TRDN: variants seen among roughly 807,000 people sequenced by gnomAD.
TRDN encodes triadin.
TRDN carries 161 observed loss-of-function variants against 149.7 expected under a neutral mutation model. The ratio of observed to expected loss-of-function variants is 1.08; its 90% CI spans 0.95 to 1.23. The LOEUF (loss-of-function observed/expected upper bound fraction) is 1.23. Among genes scored for constraint, TRDN ranks in the 50% most tolerant of loss-of-function variants. The probability of loss-of-function intolerance (pLI) is 0.00; values close to 1 mark genes in which losing one functional copy is unlikely to be tolerated. For synonymous variants in TRDN, 294 were observed against 250.5 expected (o/e 1.17, Z -1.64); for missense variants, 896 against 823.5 (o/e 1.09, Z -1.08).
At chr6:123,433,182 T>TATATATATATATAC (rs1562310492) in intron 12 of TRDN, among the ~76,000 whole-genome samples, 10 of 143,362 alleles carry the variant, frequency 7.0e-5, no homozygotes, top group African/African-American at 2.1e-4. Context: ...TATATATATA[T>TATATATATATATAC]ACATCACACA....
At chr6:123,358,316 C>T (rs1259788093) in intron 20 of TRDN, among the ~76,000 whole-genome samples, 1 of 152,110 alleles carries the variant, frequency 6.6e-6, no homozygotes, top group East Asian at 1.9e-4. Context: ...GGAGCTGGGA[C>T]GTTGATTTTA....
chr6:123,312,354 C>T (rs973921381), intron 24 of TRDN, among the ~76,000 whole-genome samples: 1 of 151,922 alleles, frequency 6.6e-6, no homozygotes, highest in Non-Finnish European at 1.5e-5. Context: ...TCCTCCTCCT[C>T]CTCAGCCTAC....
At chr6:123,507,107 C>T (rs1171897783) in intron 7 of TRDN, among the ~76,000 whole-genome samples, 1 of 151,918 alleles carries the variant, frequency 6.6e-6, no homozygotes, top group Non-Finnish European at 1.5e-5. Flanking sequence ...GATATAGAGA[C>T]TGCATTATGT....
intron 24 of TRDN, among the ~76,000 whole-genome samples, chr6:123,284,948 C>T (rs1306675856): frequency 6.6e-6 from 1 of 151,926 alleles, no homozygotes; most frequent in Non-Finnish European, 1.5e-5. Flanking sequence ...TAGAAATATA[C>T]CTAACCAAGG....
intron 38 of TRDN, among the ~76,000 whole-genome samples, chr6:123,235,810 C>A (rs9320920): frequency 0.034 from 5,176 of 152,156 alleles, 308 homozygotes; most frequent in African/African-American, 0.12. Context: ...CGTATGGAAC[C>A]TTTGGAGCTT....
At chr6:123,483,384 G>C (rs540432723) in intron 9 of TRDN, among the ~76,000 whole-genome samples, 57 of 152,094 alleles carry the variant, frequency 3.7e-4, no homozygotes, top group Non-Finnish European at 6.5e-4. Flanking sequence ...TTACAGGCGT[G>C]AGCCACTGCG....
At chr6:123,539,660 T>C (rs1276690097) in intron 4 of TRDN, among the ~76,000 whole-genome samples, 1 of 152,234 alleles carries the variant, frequency 6.6e-6, no homozygotes, top group East Asian at 1.9e-4. Flanking sequence ...TCAATAGTTA[T>C]TCCAATGGCT....
intron 24 of TRDN, among the ~76,000 whole-genome samples, chr6:123,297,704 C>G (rs189650101): frequency 6.6e-6 from 1 of 152,098 alleles, no homozygotes; most frequent in African/African-American, 2.4e-5. Flanking sequence ...ATACTTCCTT[C>G]AAAGGCCATG....
intron 23 of TRDN, among the ~76,000 whole-genome samples, chr6:123,328,480 C>T (rs1380618405): frequency 6.6e-6 from 1 of 152,042 alleles, no homozygotes; most frequent in Non-Finnish European, 1.5e-5. Context: ...TGGTTGTTGC[C>T]GTTTTTGTTT....
At chr6:123,594,567 A>C (rs1783938583) in intron 1 of TRDN, among the ~76,000 whole-genome samples, 2 of 152,142 alleles carry the variant, frequency 1.3e-5, no homozygotes, top group East Asian at 1.9e-4. Flanking sequence ...AGAAAAAGAA[A>C]ATTTTTATCT....
intron 12 of TRDN, among the ~76,000 whole-genome samples, chr6:123,435,133 A>G (rs1774498116): frequency 1.3e-5 from 2 of 149,974 alleles, no homozygotes; most frequent in South Asian, 4.2e-4. Flanking sequence ...ATATTTTATA[A>G]TATAAATAAT....
At chr6:123,357,648 T>C (rs1016512429) in intron 20 of TRDN, among the ~76,000 whole-genome samples, 9 of 152,188 alleles carry the variant, frequency 5.9e-5, no homozygotes, top group Admixed American at 2.6e-4. Flanking sequence ...GTAACTATAA[T>C]AGAGCCACAC....
intron 12 of TRDN, among the ~76,000 whole-genome samples, chr6:123,419,339 G>A (rs1773797946): frequency 6.6e-6 from 1 of 152,104 alleles, no homozygotes; most frequent in Admixed American, 6.6e-5. Context: ...TTTCCATGAT[G>A]GAGTTGCTTT....
At chr6:123,367,543 G>T (rs1185913680) in intron 19 of TRDN, among the ~76,000 whole-genome samples, 1 of 152,098 alleles carries the variant, frequency 6.6e-6, no homozygotes, top group South Asian at 2.1e-4. Context: ...TTAAACCCAG[G>T]CAAGAAGTGA....
chr6:123,527,947 C>T (rs1196365444), intron 5 of TRDN, among the ~76,000 whole-genome samples: 5 of 151,892 alleles, frequency 3.3e-5, no homozygotes, highest in Admixed American at 1.3e-4. Flanking sequence ...ACTAACATGT[C>T]AGAGCTTGTG....
chr6:123,219,683 T>C (rs1462702213), intron 40 of TRDN, among the ~76,000 whole-genome samples: 2 of 151,842 alleles, frequency 1.3e-5, no homozygotes, highest in African/African-American at 4.8e-5. Flanking sequence ...GACAATAGTT[T>C]GAAGAATCTT....
At chr6:123,577,729 A>G (rs1356448837) in intron 1 of TRDN, among the ~76,000 whole-genome samples, 1 of 152,158 alleles carries the variant, frequency 6.6e-6, no homozygotes, top group East Asian at 1.9e-4. Flanking sequence ...GCTTTCCACA[A>G]TAGTTGAACA....
chr6:123,495,988 TA>T (rs1163295308), intron 9 of TRDN, among the ~76,000 whole-genome samples: 1 of 149,682 alleles, frequency 6.7e-6, no homozygotes, highest in African/African-American at 2.4e-5. Flanking sequence ...CCTGAAGGTT[TA>T]TTTCCAATTA....
At chr6:123,251,943 A>G in intron 38 of TRDN, among the ~76,000 whole-genome samples, 1 of 152,176 alleles carries the variant, frequency 6.6e-6, no homozygotes, top group South Asian at 2.1e-4. Flanking sequence ...ATTTAGGTTT[A>G]CAATTAAATT....
Sources: allele counts gnomAD v4.1 joint callset (sites outside exome capture counted in the v4.1 genomes callset), GRCh38; gene constraint gnomAD v4.1.1; transcripts MANE v1.5; gene names NCBI Gene and HGNC (gene_info 2026-07-23, HGNC 2026-07-21).